Variants in CCDC88A observed in about 807,000 individuals in gnomAD.
The protein encoded by CCDC88A is coiled-coil and HOOK domain protein 88A.
Under a neutral mutation model 234.3 loss-of-function variants are expected in CCDC88A, and 54 were observed. That is an observed-to-expected ratio of 0.23 (90% CI 0.19 to 0.29). The LOEUF is 0.29. Ranked by LOEUF, CCDC88A falls within the 10% of genes least tolerant of loss-of-function variation. The pLI, the probability that CCDC88A is intolerant of heterozygous loss-of-function variation, is 1.00. For synonymous variants in CCDC88A, 753 were observed against 737.8 expected (o/e 1.02, Z -0.33); for missense variants, 1,832 against 2,123.4 (o/e 0.86, Z 2.70).
intron 29 of CCDC88A, among the ~76,000 whole-genome samples, chr2:55,299,174 A>G (rs979159422): frequency 1.3e-5 from 2 of 152,228 alleles, no homozygotes; most frequent in African/African-American, 4.8e-5. Context: ...ACTGCACTCC[A>G]GCCTGGGCGA....
rs61703330 is a variant in CCDC88A, at chr2:55,409,738, CTTTTTTT to C, written c.164+9071_164+9077del. 1.3e-4 allele frequency among the ~76,000 whole-genome samples: 14 copies of C among 111,734 alleles called. 1 individual carries two copies. Among genetic ancestry groups the C allele is most frequent in the African/African-American group, 5.4e-4 (13 of 23,978 alleles). The allele number at this position is 111,734 out of a possible 152,430, so 73.3% of individuals were successfully genotyped here. The stretch of plus-strand genomic sequence containing the variant: ...CAGGGGGATGTGCCTATATACCTCC[CTTTTTTT>C]TTTTTTTTTTTTTTTCAGACAGAGT... On this transcript the variant is annotated intron_variant, in intron 2 of 32. Transcript: ENST00000436346.
rs971223583 is a variant in CCDC88A, at chr2:55,322,409, A to G, written c.3162+119T>C. 24 of 639,546 alleles carry G rather than the reference A, an allele frequency of 3.8e-5. 1 individual carries two copies. In the African/African-American group the frequency reaches 4.1e-4, roughly 11 times the overall value. 39.6% of individuals were successfully genotyped at this position (639,546 alleles called of 1,614,324 possible). On this transcript the variant is annotated intron_variant, in intron 18 of 32. Transcript: ENST00000436346. The stretch of plus-strand genomic sequence containing the variant: ...ATAGAAAAAGGACTATATGACTAGA[A>G]TTTTCTTATTAAGTGCCATCAATTG...
intron 3 of CCDC88A, 22 bp downstream of exon 3, chr2:55,388,756 G>T: frequency 3.2e-6 from 3 of 930,760 alleles, no homozygotes; most frequent in South Asian, 1.5e-5. Flanking sequence ...TAAAACCCCA[G>T]ATTTTTAAAA....
intron 16 of CCDC88A, chr2:55,329,346 A>G (rs533058666): frequency 3.3e-5 from 5 of 152,360 alleles, no homozygotes; most frequent in South Asian, 4.1e-4. Flanking sequence ...ATAAAAACCT[A>G]AAGTATGTAT....
intron 2 of CCDC88A, among the ~76,000 whole-genome samples, chr2:55,412,076 T>C (rs1038206282): frequency 1.3e-5 from 2 of 152,186 alleles, no homozygotes; most frequent in Admixed American, 1.3e-4. Context: ...TTTTGAAAAT[T>C]AATAAAATTG....
At chr2:55,322,484 A>G in intron 18 of CCDC88A, 44 bp downstream of exon 18, 2 of 1,176,800 alleles carry the variant, frequency 1.7e-6, no homozygotes, top group Non-Finnish European at 2.4e-6. Context: ...GTGATCCTCT[A>G]TTTCTAAAAA....
At chr2:55,394,197 C>A (rs137868799) in intron 2 of CCDC88A, 1 of 152,116 alleles carries the variant, frequency 6.6e-6, no homozygotes, top group Non-Finnish European at 1.5e-5. Context: ...TTTGTCCTTG[C>A]GAGAGTTTGC....
chr2:55,390,205 G>A (rs1233559050), intron 2 of CCDC88A, among the ~76,000 whole-genome samples: 1 of 151,920 alleles, frequency 6.6e-6, no homozygotes, highest in African/African-American at 2.4e-5. Flanking sequence ...TTAATGCGTG[G>A]TTTAACTTTT....
At chr2:55,303,995 G>T (rs895536951) in intron 25 of CCDC88A, among the ~76,000 whole-genome samples, 1 of 152,184 alleles carries the variant, frequency 6.6e-6, no homozygotes, top group African/African-American at 2.4e-5. Context: ...GTGCCCAGGG[G>T]ATGTTTAAAA....
intron 8 of CCDC88A, among the ~76,000 whole-genome samples, chr2:55,354,457 T>A (rs1574250882): frequency 6.6e-6 from 1 of 152,194 alleles, no homozygotes; most frequent in African/African-American, 2.4e-5. Context: ...AACTTTAAAA[T>A]TTTTAAACTT....
At chr2:55,357,962 T>C (rs1018733388) in intron 7 of CCDC88A, among the ~76,000 whole-genome samples, 15 of 152,158 alleles carry the variant, frequency 9.9e-5, no homozygotes, top group Non-Finnish European at 2.1e-4. Context: ...ACGCCTCCTT[T>C]ACTATCATTT....
At chr2:55,330,316 A>G (rs910185492) in intron 16 of CCDC88A, 1 of 151,876 alleles carries the variant, frequency 6.6e-6, no homozygotes, top group African/African-American at 2.4e-5. Flanking sequence ...GCCAGTAAAA[A>G]TACAAAATTA....
At chr2:55,358,128 A>T (rs947071099) in intron 7 of CCDC88A, among the ~76,000 whole-genome samples, 3 of 152,088 alleles carry the variant, frequency 2.0e-5, no homozygotes, top group African/African-American at 7.2e-5. Flanking sequence ...GCTGTTACTG[A>T]CTCACTCTTT....
intron 2 of CCDC88A, chr2:55,418,195 T>G (rs1011202440): frequency 6.6e-6 from 1 of 152,282 alleles, no homozygotes; most frequent in Non-Finnish European, 1.5e-5. Flanking sequence ...GACTTGTTAT[T>G]TGCATTTCAA....
chr2:55,314,622 C>A (rs1453236392), intron 22 of CCDC88A: 1 of 152,228 alleles, frequency 6.6e-6, no homozygotes, highest in Non-Finnish European at 1.5e-5. Flanking sequence ...CCAGGTTGGT[C>A]TTGAACTCCT....
In CCDC88A at chr2:55,296,422, T is replaced by C. The variant is rs746798676; in HGVS notation, c.4927A>G (p.Ile1643Val). The change falls in exon 30 of 33, where the codon ATC (isoleucine) becomes GTC (valine). Residue 1643 changes from isoleucine to valine, a missense_variant. Coordinates refer to ENST00000436346, the MANE Select transcript of CCDC88A (RefSeq NM_001365480.1). ...CTGGTCTGTCTTTTCAAGTACTGGA[T>C]TGGACTGCTACCACTGCTGGACCAA... Reference protein sequence around the residue: ...EAWSSSGSSPIQYLKRQTRSS... With the variant: ...EAWSSSGSSPVQYLKRQTRSS... The C allele has an allele frequency of 1.1e-5, 18 of 1,614,108 alleles. No individual in the cohort carries two copies. The South Asian group carries it at 1.4e-4, about 13-fold the overall frequency.
chr2:55,339,313 A>C (rs765606705), intron 13 of CCDC88A, 151 bp downstream of exon 13: 1 of 754,724 alleles, frequency 1.3e-6, no homozygotes, highest in Non-Finnish European at 2.1e-6. Context: ...TATAGGGTTC[A>C]TTCACACCAT....
chr2:55,381,666 T>C (rs1338598084), intron 3 of CCDC88A, among the ~76,000 whole-genome samples: 3 of 152,054 alleles, frequency 2.0e-5, no homozygotes, highest in African/African-American at 7.2e-5. Context: ...TTCACAAATA[T>C]GCCAGATATA....
chr2:55,344,318 T>C, intron 11 of CCDC88A, 50 bp downstream of exon 11: 1 of 1,357,856 alleles, frequency 7.4e-7, no homozygotes, highest in Non-Finnish European at 9.9e-7. Context: ...AGCTGAATCT[T>C]AGAAGTTTTC....
Sources: allele counts gnomAD v4.1 joint callset (sites outside exome capture counted in the v4.1 genomes callset), GRCh38; gene constraint gnomAD v4.1.1; transcripts MANE v1.5; gene names NCBI Gene and HGNC (gene_info 2026-07-23, HGNC 2026-07-21).